Variants in PPM1H observed in about 807,000 individuals in gnomAD.
The protein encoded by PPM1H is protein phosphatase 1H.
PPM1H carries 27 observed loss-of-function variants against 54.9 expected under a neutral mutation model. The observed-to-expected ratio is 0.49, with a 90% confidence interval of 0.36 to 0.68. The LOEUF is 0.68. Ranked by LOEUF, PPM1H falls within the 30% of genes least tolerant of loss-of-function variation. The pLI is 0.00. For synonymous variants in PPM1H, 305 were observed against 270.8 expected, an observed-to-expected ratio of 1.13 and a Z score of -1.24; for missense variants, 596 against 667.8, an observed-to-expected ratio of 0.89 and a Z score of 1.19.
At chr12:62,658,860 A>G (rs544071893) in intron 9 of PPM1H, 8 of 594,116 alleles carry the variant, frequency 1.3e-5, no homozygotes, top group South Asian at 1.2e-4. Flanking sequence ...AAGATTGTCA[A>G]AAAAAGAACC....
intron 1 of PPM1H, among the ~76,000 whole-genome samples, chr12:62,933,631 G>A (rs1481501230): frequency 6.6e-6 from 1 of 152,154 alleles, no homozygotes; most frequent in Non-Finnish European, 1.5e-5. Flanking sequence ...TAGATAGAAG[G>A]GAAAACGTTA....
intron 1 of PPM1H, among the ~76,000 whole-genome samples, chr12:62,881,058 A>G (rs1870376319): frequency 6.6e-6 from 1 of 152,198 alleles, no homozygotes. Context: ...TCAGTGATCT[A>G]ACATAAGAAG....
intron 1 of PPM1H, among the ~76,000 whole-genome samples, chr12:62,856,335 G>C (rs1392725340): frequency 6.6e-6 from 1 of 152,040 alleles, no homozygotes; most frequent in Non-Finnish European, 1.5e-5. Flanking sequence ...GTTAAAGAGG[G>C]GGCAATCTCT....
intron 4 of PPM1H, among the ~76,000 whole-genome samples, chr12:62,770,457 C>G (rs2076572049): frequency 6.6e-6 from 1 of 152,162 alleles, no homozygotes; most frequent in Non-Finnish European, 1.5e-5. Flanking sequence ...ATAACCTGCT[C>G]TACATCACAA....
intron 2 of PPM1H, among the ~76,000 whole-genome samples, chr12:62,804,351 C>CAAAAAAAAAAAAAA (rs371143962): frequency 2.2e-5 from 3 of 137,616 alleles, no homozygotes; most frequent in African/African-American, 3.0e-5. Flanking sequence ...GACCCTGTCT[C>CAAAAAAAAAAAAAA]AAAAAAAAAA....
chr12:62,867,564 ATTTTT>A (rs34772338), intron 1 of PPM1H, among the ~76,000 whole-genome samples: 16 of 55,370 alleles, frequency 2.9e-4, no homozygotes, highest in South Asian at 9.1e-4. Flanking sequence ...TATGAGCACT[ATTTTT>A]TTTTTTTTTT....
intron 4 of PPM1H, among the ~76,000 whole-genome samples, chr12:62,762,655 T>C (rs2076516593): frequency 6.6e-6 from 1 of 152,232 alleles, no homozygotes; most frequent in Non-Finnish European, 1.5e-5. Context: ...GTTGCAGCTC[T>C]GTCCAGCCTG....
At chr12:62,735,156 G>C (rs573374204) in intron 5 of PPM1H, among the ~76,000 whole-genome samples, 1 of 152,226 alleles carries the variant, frequency 6.6e-6, no homozygotes, top group South Asian at 2.1e-4. Flanking sequence ...AGAAGAGAAA[G>C]GACTGTTTGG....
intron 1 of PPM1H, among the ~76,000 whole-genome samples, chr12:62,898,272 G>A (rs945404516): frequency 6.6e-6 from 1 of 152,138 alleles, no homozygotes; most frequent in South Asian, 2.1e-4. Flanking sequence ...TGATCCATCT[G>A]TTTATCAAGG....
chr12:62,914,222 T>A (rs553495807), intron 1 of PPM1H, among the ~76,000 whole-genome samples: 57 of 152,286 alleles, frequency 3.7e-4, no homozygotes, highest in Non-Finnish European at 6.6e-4. Flanking sequence ...ATAAGGAGCT[T>A]GGCACCTCCT....
intron 4 of PPM1H, among the ~76,000 whole-genome samples, chr12:62,766,129 A>T (rs1233727661): frequency 1.3e-5 from 2 of 152,068 alleles, no homozygotes; most frequent in African/African-American, 4.8e-5. Flanking sequence ...ATTAACAGGG[A>T]TTGATGACAG....
chr12:62,720,383 A>G, intron 5 of PPM1H, 94 bp from the exon 6 acceptor site: 1 of 920,660 alleles, frequency 1.1e-6, no homozygotes, highest in Non-Finnish European at 1.7e-6. Context: ...GAGACAGGCC[A>G]TATTTTAAAA....
chr12:62,689,892 C>G (rs1159402886), intron 7 of PPM1H, 86 bp from the exon 8 acceptor site: 3 of 911,252 alleles, frequency 3.3e-6, no homozygotes, highest in Non-Finnish European at 5.1e-6. Flanking sequence ...TAGGAACAAC[C>G]AAACAATTTT....
At chr12:62,904,948 G>A (rs542837993) in intron 1 of PPM1H, among the ~76,000 whole-genome samples, 26 of 151,760 alleles carry the variant, frequency 1.7e-4, no homozygotes, top group Non-Finnish European at 2.8e-4. Context: ...CTTTTCCCAC[G>A]CCAGCAGCAT....
At chr12:62,693,459 G>A (rs2076094622) in intron 7 of PPM1H, among the ~76,000 whole-genome samples, 1 of 152,200 alleles carries the variant, frequency 6.6e-6, no homozygotes, top group Non-Finnish European at 1.5e-5. Flanking sequence ...AGTCTGAGAC[G>A]CGCGAAGCAG....
chr12:62,745,550 C>A (rs572191804), intron 4 of PPM1H, among the ~76,000 whole-genome samples: 2 of 152,294 alleles, frequency 1.3e-5, no homozygotes, highest in Non-Finnish European at 2.9e-5. Flanking sequence ...TCAAGCACCT[C>A]TCCATGAAGT....
In PPM1H at chr12:62,788,230, T is replaced by C. The variant is rs1275405170; in HGVS notation, c.865A>G (p.Ser289Gly). 2 of 1,581,232 alleles carry C rather than the reference T, an allele frequency of 1.3e-6. No homozygotes were observed. Among genetic ancestry groups the C allele is most frequent in the African/African-American group, 1.3e-5 (1 of 74,380 alleles). ...TCAGACAGCTCATCTGCTTACCTGC[T>C]ATCCCCAGCATTTGCAACATACAGC... ...GKLYVANAGD[S>G]RAIIIRNGEI... The change falls in exon 4 of 10, where the codon AGC becomes GGC. Residue 289 changes from serine (S) to glycine (G), a missense_variant. Ser to Gly is a moderately conservative substitution (Grantham distance 56, BLOSUM62 0). Transcript: ENST00000228705.
At chr12:62,651,248 G>T (rs1055444558) in intron 9 of PPM1H, among the ~76,000 whole-genome samples, 1 of 152,144 alleles carries the variant, frequency 6.6e-6, no homozygotes, top group African/African-American at 2.4e-5. Flanking sequence ...CTTAAACCTT[G>T]TTACTACGTC....
chr12:62,745,090 T>A (rs11615849), intron 4 of PPM1H, among the ~76,000 whole-genome samples: 69,959 of 152,082 alleles, frequency 0.46, 16,523 homozygotes, highest in East Asian at 0.59. Flanking sequence ...TGGTTCATTG[T>A]CCTAACTGAC....
Sources: allele counts gnomAD v4.1 joint callset (sites outside exome capture counted in the v4.1 genomes callset), GRCh38; gene constraint gnomAD v4.1.1; transcripts MANE v1.5; gene names NCBI Gene and HGNC (gene_info 2026-07-23, HGNC 2026-07-21).